The following RGS5 variants were observed in gnomAD, a reference collection of about 807,000 sequenced individuals.
The protein encoded by RGS5 is regulator of G-protein signalling 5.
In RGS5, 20 loss-of-function variants were observed where a neutral mutation model predicts 18.9. The ratio of observed to expected loss-of-function variants is 1.06; its 90% CI spans 0.74 to 1.54. The LOEUF is 1.54. RGS5 is among the 40% of genes most tolerant of loss of function. The pLI is 0.00. For missense variants in RGS5, 201 were observed against 211.8 expected, an observed-to-expected ratio of 0.95 and a Z score of 0.32; for synonymous variants, 57 against 76.2, an observed-to-expected ratio of 0.75 and a Z score of 1.31.
chr1:163,312,560 C>T (rs1649897001), intron 1 of RGS5, among the ~76,000 whole-genome samples: 1 of 152,126 alleles, frequency 6.6e-6, no homozygotes, highest in Admixed American at 6.5e-5. Context: ...AAGTAAGCTA[C>T]TGAAAACGAC....
intron 2 of RGS5, among the ~76,000 whole-genome samples, chr1:163,241,953 G>T (rs1309184452): frequency 1.3e-5 from 2 of 152,150 alleles, no homozygotes; most frequent in Non-Finnish European, 2.9e-5. Context: ...CTATGCTCAA[G>T]ATTGAACTAG....
chr1:163,283,505 AG>A lies in RGS5; in HGVS notation c.-281+22727del, dbSNP rs1208394940. On this transcript the variant is annotated intron_variant, in intron 2 of 5. Coordinates refer to the RGS5 transcript ENST00000618415. ...CAGATTCTGTGATGTGCAGGCTCTA[AG>A]GTATCTCCCCTATCATTCCTGTATC... Among the ~76,000 whole-genome samples the A allele has an allele frequency of 2.0e-5, 3 of 152,274 alleles. No homozygotes were observed. The East Asian group carries it at 5.8e-4, about 29-fold the overall frequency.
At chr1:163,298,243 G>A (rs1199790545) in intron 2 of RGS5, among the ~76,000 whole-genome samples, 1 of 152,008 alleles carries the variant, frequency 6.6e-6, no homozygotes, top group East Asian at 1.9e-4. Flanking sequence ...TACAAATAAA[G>A]ATAACTAATC....
At chr1:163,170,849 A>C (rs1658267910) in intron 1 of RGS5, among the ~76,000 whole-genome samples, 1 of 152,190 alleles carries the variant, frequency 6.6e-6, no homozygotes, top group South Asian at 2.1e-4. Context: ...GAGCTTATAT[A>C]ACATTGTGAA....
intron 2 of RGS5, among the ~76,000 whole-genome samples, chr1:163,303,646 T>C (rs1010825418): frequency 3.9e-5 from 6 of 152,208 alleles, no homozygotes; most frequent in Non-Finnish European, 8.8e-5. Flanking sequence ...AGTCCTTGTT[T>C]TTCTGGTATA....
chr1:163,168,635 C>T (rs531846375), intron 1 of RGS5, among the ~76,000 whole-genome samples: 238 of 152,196 alleles, frequency 1.6e-3, no homozygotes, highest in African/African-American at 5.3e-3. Flanking sequence ...CATTTTATAT[C>T]TGCAGACACT....
At chr1:163,279,515 G>A (rs910334379) in intron 2 of RGS5, among the ~76,000 whole-genome samples, 1 of 151,892 alleles carries the variant, frequency 6.6e-6, no homozygotes, top group Non-Finnish European at 1.5e-5. Context: ...ATGGGGCATA[G>A]CAAAAGCAGT....
chr1:163,190,149 T>C (rs1031311863), intron 1 of RGS5, among the ~76,000 whole-genome samples: 4 of 152,070 alleles, frequency 2.6e-5, no homozygotes, highest in Non-Finnish European at 5.9e-5. Context: ...ACCAATAAGA[T>C]TGCTCAAGCC....
chr1:163,260,834 C>A (rs975138587), intron 2 of RGS5, among the ~76,000 whole-genome samples: 4 of 152,134 alleles, frequency 2.6e-5, no homozygotes, highest in Admixed American at 6.5e-5. Context: ...AGAACAGTCT[C>A]GGTTTTGTTC....
intron 3 of RGS5, among the ~76,000 whole-genome samples, chr1:163,160,191 ATAAATATT>A (rs1014404833): frequency 6.6e-5 from 10 of 152,228 alleles, no homozygotes; most frequent in Non-Finnish European, 5.9e-5. Flanking sequence ...ATATGGGCAC[ATAAATATT>A]TATTCTTCTC....
chr1:163,245,991 G>A (rs1396213435), intron 2 of RGS5, among the ~76,000 whole-genome samples: 7 of 152,076 alleles, frequency 4.6e-5, no homozygotes, highest in Non-Finnish European at 8.8e-5. Context: ...CAAGGCGGGC[G>A]GATCACGAGG....
At chr1:163,224,997 T>C (rs1486995970) in intron 2 of RGS5, among the ~76,000 whole-genome samples, 1 of 152,190 alleles carries the variant, frequency 6.6e-6, no homozygotes, top group African/African-American at 2.4e-5. Flanking sequence ...ACTCTGTTGA[T>C]TGCTTTCTTT....
intron 2 of RGS5, among the ~76,000 whole-genome samples, chr1:163,272,013 C>T (rs1193019024): frequency 1.3e-5 from 2 of 150,906 alleles, no homozygotes. Context: ...TCCCTTTGTT[C>T]CTTCCTTCCT....
chr1:163,271,189 T>G (rs571382850), intron 2 of RGS5, among the ~76,000 whole-genome samples: 1 of 152,172 alleles, frequency 6.6e-6, no homozygotes, highest in Admixed American at 6.6e-5. Context: ...AATGGAACCA[T>G]AGAATACATA....
intron 2 of RGS5, among the ~76,000 whole-genome samples, chr1:163,288,944 T>C (rs1649212178): frequency 6.6e-6 from 1 of 152,164 alleles, no homozygotes; most frequent in Non-Finnish European, 1.5e-5. Flanking sequence ...TCTCGAATCT[T>C]CCCCTTCTTG....
At chr1:163,169,259 T>G (rs1229307393) in intron 1 of RGS5, among the ~76,000 whole-genome samples, 1 of 152,226 alleles carries the variant, frequency 6.6e-6, no homozygotes, top group South Asian at 2.1e-4. Context: ...ATCCAGTCTA[T>G]CATTGTTGGA....
At chr1:163,219,652 G>C (rs906621271), upstream of RGS5, among the ~76,000 whole-genome samples, 1 of 151,932 alleles carries the variant, frequency 6.6e-6, no homozygotes, top group Admixed American at 6.6e-5. Context: ...AATTTTCTCA[G>C]TTTTAATTTC....
intron 1 of RGS5, among the ~76,000 whole-genome samples, chr1:163,183,011 A>C (rs1411416190): frequency 6.6e-6 from 1 of 152,190 alleles, no homozygotes; most frequent in Non-Finnish European, 1.5e-5. Context: ...AAACATTAAC[A>C]TGTATTACAT....
intron 2 of RGS5, among the ~76,000 whole-genome samples, chr1:163,290,844 C>A (rs1316741217): frequency 2.6e-5 from 4 of 152,044 alleles, no homozygotes; most frequent in Admixed American, 6.6e-5. Context: ...ATTTATAACA[C>A]AATCCTAAAC....
Sources: allele counts gnomAD v4.1 joint callset (sites outside exome capture counted in the v4.1 genomes callset), GRCh38; gene constraint gnomAD v4.1.1; transcripts MANE v1.5; gene names NCBI Gene and HGNC (gene_info 2026-07-23, HGNC 2026-07-21).